SLC15A2: variants seen among roughly 807,000 people sequenced by gnomAD.
The protein encoded by SLC15A2 is solute carrier family 15 member 2.
SLC15A2 carries 77 observed loss-of-function variants against 95.5 expected under a neutral mutation model. That is an observed-to-expected ratio of 0.81 (90% confidence interval 0.67 to 0.97). The LOEUF is 0.97. Ranked by LOEUF, SLC15A2 falls within the 50% of genes least tolerant of loss-of-function variation. SLC15A2 has a pLI of 0.00. For missense variants in SLC15A2, 893 were observed against 874.4 expected (o/e 1.02, Z -0.27); for synonymous variants, 306 against 306.9 (o/e 1.00, Z 0.03).
Position 121,939,382 on chromosome 3 carries a change from G to T in SLC15A2, c.1795G>T (p.Glu599Ter). Reference sequence around the variant, plus strand: ...TCAGGGTCTTCAGGCCTGGAAGATTGAAGACATTCCAGCCAACAAAATGTC... The same window carrying T: ...TCAGGGTCTTCAGGCCTGGAAGATTTAAGACATTCCAGCCAACAAAATGTC... ...TNQGLQAWKI[E>*]DIPANKMSIA... Residue 599 changes from glutamate (E) to a stop codon, truncating the protein, a stop_gained, in exon 20 of 22, where the codon GAA becomes TAA. Coordinates refer to ENST00000489711, the MANE Select transcript of SLC15A2 (RefSeq NM_021082.4). LOFTEE classifies it high-confidence loss of function. The T allele has an allele frequency of 6.4e-7, 1 of 1,574,102 alleles. No homozygotes were observed. Among genetic ancestry groups the T allele is most frequent in the Non-Finnish European group, 8.6e-7 (1 of 1,161,128 alleles).
At chr3:121,927,171 A>G (rs575761830) in intron 13 of SLC15A2, among the ~76,000 whole-genome samples, 2 of 152,320 alleles carry the variant, frequency 1.3e-5, no homozygotes, top group African/African-American at 4.8e-5. Context: ...AATGAGTTAA[A>G]ATTTGGGGAA....
intron 3 of SLC15A2, among the ~76,000 whole-genome samples, chr3:121,911,306 A>C (rs896929919): frequency 6.6e-6 from 1 of 152,144 alleles, no homozygotes; most frequent in Non-Finnish European, 1.5e-5. Flanking sequence ...GGGTAGAGGC[A>C]AAGGGGAAGG....
chr3:121,922,985 G>A (rs1015605467), intron 9 of SLC15A2, 55 bp from the exon 10 acceptor site: 12 of 1,585,292 alleles, frequency 7.6e-6, no homozygotes, highest in Middle Eastern at 1.7e-4. Context: ...CTTTAAGCAA[G>A]AAAGCCATGT....
At chr3:121,917,816 T>A (rs1240759248) in intron 7 of SLC15A2, among the ~76,000 whole-genome samples, 1 of 152,028 alleles carries the variant, frequency 6.6e-6, no homozygotes, top group Non-Finnish European at 1.5e-5. Flanking sequence ...ATAAAGAAAT[T>A]ATAAGTGATG....
chr3:121,939,175 A>G (rs1338703772), intron 19 of SLC15A2, 174 bp from the exon 20 acceptor site: 5 of 434,950 alleles, frequency 1.1e-5, no homozygotes, highest in Non-Finnish European at 2.0e-5. Context: ...AGTGAGCATA[A>G]TATTACGAAA....
At position 121,917,854 on chromosome 3, in the gene SLC15A2, C is replaced by A. The variant is rs148819418; in HGVS notation, c.697+2161C>A. ...GAAAGAGGACACAGTAGCTGTAAGA[C>A]AAGAGGCTGAGAAATAGCATGACAT... On this transcript the variant is annotated intron_variant, in intron 7 of 21. Coordinates refer to ENST00000489711, the MANE Select transcript of SLC15A2 (RefSeq NM_021082.4). Among the ~76,000 whole-genome samples the A allele has an allele frequency of 2.7e-3, 403 of 152,072 alleles. 2 individuals are homozygous for A. Among genetic ancestry groups the A allele is most frequent in the African/African-American group, 9.3e-3 (385 of 41,484 alleles).
intron 6 of SLC15A2, 21 bp downstream of exon 6, chr3:121,915,338 C>T (rs764396469): frequency 1.3e-6 from 2 of 1,544,458 alleles, no homozygotes; most frequent in East Asian, 2.2e-5. Flanking sequence ...TTTTGAGGGG[C>T]CCTGTATAAG....
intron 6 of SLC15A2, 79 bp from the exon 7 acceptor site, chr3:121,915,537 A>AT (rs1709876761): frequency 2.0e-5 from 23 of 1,132,892 alleles, no homozygotes; most frequent in Non-Finnish European, 3.0e-5. Flanking sequence ...GGTTTATTCA[A>AT]CAACCTGAGC....
intron 20 of SLC15A2, among the ~76,000 whole-genome samples, 174 bp from the exon 21 acceptor site, chr3:121,940,210 G>T (rs1710434443): frequency 6.6e-6 from 1 of 152,166 alleles, no homozygotes; most frequent in Non-Finnish European, 1.5e-5. Flanking sequence ...TCAGTTAGGA[G>T]CTTCATCTTA....
chr3:121,915,077 A>G (rs1709859059), intron 5 of SLC15A2, 150 bp from the exon 6 acceptor site: 1 of 1,165,094 alleles, frequency 8.6e-7, no homozygotes, highest in Non-Finnish European at 1.2e-6. Flanking sequence ...CAATGTTTTT[A>G]AATATCTATT....
intron 19 of SLC15A2, among the ~76,000 whole-genome samples, chr3:121,938,621 G>A (rs572655151): frequency 6.6e-6 from 1 of 152,332 alleles, no homozygotes; most frequent in African/African-American, 2.4e-5. Flanking sequence ...CCCTGCTTTG[G>A]CTCGCACACG....
At chr3:121,907,578 C>T (rs1709677835) in intron 3 of SLC15A2, among the ~76,000 whole-genome samples, 1 of 152,188 alleles carries the variant, frequency 6.6e-6, no homozygotes, top group Non-Finnish European at 1.5e-5. Flanking sequence ...CTATTTCTTC[C>T]TTTTTATTAG....
At chr3:121,935,245 C>T (rs1283495249) in intron 19 of SLC15A2, among the ~76,000 whole-genome samples, 1 of 152,072 alleles carries the variant, frequency 6.6e-6, no homozygotes, top group African/African-American at 2.4e-5. Flanking sequence ...TGTGTCTCTG[C>T]CCGGCTTTGG....
intron 3 of SLC15A2, among the ~76,000 whole-genome samples, chr3:121,904,922 T>C (rs1709601306): frequency 6.6e-6 from 1 of 152,234 alleles, no homozygotes; most frequent in Admixed American, 6.5e-5. Context: ...TCAGAAGGAA[T>C]GATACCAGCC....
rs1336238000 is a variant in SLC15A2 at position 121,942,573 on chromosome 3, A to G, written c.*1566A>G. ...TTTTAATGACAAGCATTTCAGAAAT[A>G]TAAGAGCGGCAGCCAGACCAACCAG... On this transcript the variant is annotated 3_prime_UTR_variant, in exon 22 of 22. Coordinates refer to ENST00000489711, the MANE Select transcript of SLC15A2 (RefSeq NM_021082.4). 6.6e-6 allele frequency: 1 copy of G among 152,228 alleles called. No individual in the cohort carries two copies. Among genetic ancestry groups the G allele is most frequent in the East Asian group, 1.9e-4 (1 of 5,200 alleles). The allele number at this position is 152,228 out of a possible 1,614,324, so 9.4% of individuals were successfully genotyped here. A position where few individuals can be genotyped will look rare whatever the true frequency, so the allele number is the denominator to read the frequency against.
At chr3:121,931,148 G>A (rs113747564) in intron 18 of SLC15A2, among the ~76,000 whole-genome samples, 198 bp downstream of exon 18, 59 of 152,196 alleles carry the variant, frequency 3.9e-4, no homozygotes, top group African/African-American at 1.1e-3. Flanking sequence ...CACGATTGCC[G>A]TGAAGACCAC....
At chr3:121,937,445 T>C (rs1279180995) in intron 19 of SLC15A2, among the ~76,000 whole-genome samples, 5 of 137,202 alleles carry the variant, frequency 3.6e-5, no homozygotes, top group African/African-American at 1.4e-4. Flanking sequence ...CCCATATTTC[T>C]TGGAGGCTTT....
chr3:121,928,364 C>T (rs1710162900), intron 14 of SLC15A2, 57 bp from the exon 15 acceptor site: 3 of 1,583,768 alleles, frequency 1.9e-6, no homozygotes, highest in African/African-American at 2.7e-5. Context: ...ATATGTGTTG[C>T]CATTGTATCT....
At chr3:121,908,684 T>C (rs1709704112) in intron 3 of SLC15A2, among the ~76,000 whole-genome samples, 1 of 152,216 alleles carries the variant, frequency 6.6e-6, no homozygotes, top group African/African-American at 2.4e-5. Context: ...AGCCTCTGTA[T>C]ATACCTCTTC....
Sources: allele counts gnomAD v4.1 joint callset (sites outside exome capture counted in the v4.1 genomes callset), GRCh38; gene constraint gnomAD v4.1.1; transcripts MANE v1.5; gene names NCBI Gene and HGNC (gene_info 2026-07-23, HGNC 2026-07-21).